Variants in DST observed in about 807,000 individuals in gnomAD.
The protein encoded by DST is bullous pemphigoid antigen.
A neutral mutation model predicts 875.2 loss-of-function variants in DST; 253 were observed. The ratio of observed to expected loss-of-function variants is 0.29; its 90% CI spans 0.26 to 0.32. The LOEUF (loss-of-function observed/expected upper bound fraction) is 0.32, where lower values mean the gene tolerates loss of function less well. Among genes scored for constraint, DST ranks in the 10% least tolerant of loss-of-function variants. DST has a pLI of 1.00. For missense variants in DST, 8,287 were observed against 9,111.6 expected, an observed-to-expected ratio of 0.91 and a Z score of 3.68; for synonymous variants, 3,124 against 3,197.1, an observed-to-expected ratio of 0.98 and a Z score of 0.77.
At chr6:56,893,565 T>TAAGGAA (rs1562313463) in intron 3 of DST, among the ~76,000 whole-genome samples, 11 of 107,522 alleles carry the variant, frequency 1.0e-4, no homozygotes, top group Non-Finnish European at 1.6e-4. Flanking sequence ...TTTAGTTCTT[T>TAAGGAA]TTTTTTTTTT....
At chr6:56,787,108 T>C (rs891944344) in intron 4 of DST, among the ~76,000 whole-genome samples, 1 of 152,204 alleles carries the variant, frequency 6.6e-6, no homozygotes, top group Non-Finnish European at 1.5e-5. Flanking sequence ...TCTCATTTTA[T>C]ACATGAGGAA....
intron 36 of DST, chr6:56,617,101 AAC>A: frequency 6.2e-7 from 1 of 1,613,952 alleles, no homozygotes; most frequent in Non-Finnish European, 8.5e-7. Flanking sequence ...GAACTTCTTC[AAC>A]AGTCTTAAGA....
In DST at chr6:56,843,705, A is replaced by AG. The variant is rs1554198560; in HGVS notation, c.625+7691dup. On this transcript the variant is annotated intron_variant, in intron 4 of 103. Transcript: ENST00000680361. ...GCCCGCGCCGGGGAGAGAGGGAGGG[A>AG]GGAGGGTGGAGGGTGGAGGGTGGAG... is the stretch of plus-strand genomic sequence containing the variant. 1,498 of 549,926 alleles carry AG rather than the reference A, an allele frequency of 2.7e-3. 8 individuals carry two copies. The highest frequency in any genetic ancestry group is 0.012 in the Admixed American group (114 of 9,682). The allele number at this position is 549,926 out of a possible 1,614,324, so 34.1% of individuals were successfully genotyped here.
At chr6:56,466,271 T>C in intron 98 of DST, 76 bp from the exon 99 acceptor site, 1 of 1,000,156 alleles carries the variant, frequency 1.0e-6, no homozygotes, top group Non-Finnish European at 1.4e-6. Flanking sequence ...CAATTTGCAG[T>C]AGCTAAAGCA....
At chr6:56,530,812 T>C (rs1005377683) in intron 64 of DST, among the ~76,000 whole-genome samples, 5 of 152,234 alleles carry the variant, frequency 3.3e-5, no homozygotes, top group Non-Finnish European at 7.3e-5. Flanking sequence ...CTGTTTCCGC[T>C]GTCCTCAGTA....
intron 4 of DST, among the ~76,000 whole-genome samples, chr6:56,759,193 G>A (rs902300999): frequency 6.6e-6 from 1 of 152,202 alleles, no homozygotes; most frequent in South Asian, 2.1e-4. Context: ...GCTCACGCCT[G>A]TAATCCCAGC....
chr6:56,927,237 T>C (rs1431938758), intron 2 of DST, among the ~76,000 whole-genome samples: 4 of 152,190 alleles, frequency 2.6e-5, no homozygotes, highest in Non-Finnish European at 5.9e-5. Context: ...TTTCCCATTA[T>C]ATGATACCAA....
Position 56,605,966 on chromosome 6 carries a change from A to C in DST, c.8662T>G (p.Leu2888Val). The change falls in exon 40 of 104, where the codon TTA (leucine) becomes GTA (valine). Residue 2888 changes from leucine (L) to valine (V), a missense_variant. Physicochemically the swap from Leu to Val is conservative, Grantham distance 32. Around this residue, in one of 10 missense-constraint regions of DST, gnomAD observed 3,138 missense variants for 3,116.6 expected, o/e 1.01. Coordinates refer to ENST00000680361, the MANE Select transcript of DST (RefSeq NM_001374736.1). ...VQLASPSENN[L>V]VTEKSNLPEY... Reference sequence around the variant, plus strand: ...GGAAGGTTGCTTTTTTCAGTAACTAAGTTATTTTCACTAGGTGATGCTAGC... The same window carrying C: ...GGAAGGTTGCTTTTTTCAGTAACTACGTTATTTTCACTAGGTGATGCTAGC... 1 of 1,612,764 alleles carries C rather than the reference A, an allele frequency of 6.2e-7. No homozygotes were observed. The highest frequency in any genetic ancestry group is 1.3e-5 in the African/African-American group (1 of 74,982).
At chr6:56,940,191 TACACACACACACACACAC>T (rs59001581) in intron 2 of DST, among the ~76,000 whole-genome samples, 13 of 142,212 alleles carry the variant, frequency 9.1e-5, no homozygotes, top group South Asian at 4.7e-4. Context: ...ATTACCCCCA[TACACACACACACACACAC>T]ACACACACAC....
chr6:56,771,507 T>A (rs1022790308), intron 4 of DST, among the ~76,000 whole-genome samples: 2 of 152,194 alleles, frequency 1.3e-5, no homozygotes, highest in Admixed American at 1.3e-4. Flanking sequence ...TTCTAACATT[T>A]CTAAATGTAT....
At chr6:56,938,811 C>A (rs1814672695) in intron 2 of DST, among the ~76,000 whole-genome samples, 1 of 152,168 alleles carries the variant, frequency 6.6e-6, no homozygotes, top group African/African-American at 2.4e-5. Flanking sequence ...AGTTGGCTTA[C>A]TGGAAGAGGA....
intron 4 of DST, among the ~76,000 whole-genome samples, chr6:56,737,831 A>C (rs2099531243): frequency 6.6e-6 from 1 of 152,262 alleles, no homozygotes; most frequent in Non-Finnish European, 1.5e-5. Context: ...ATCTATTCTG[A>C]AGTTATAATC....
intron 50 of DST, among the ~76,000 whole-genome samples, chr6:56,577,968 G>A (rs2152633919): frequency 6.6e-6 from 1 of 151,996 alleles, no homozygotes; most frequent in Non-Finnish European, 1.5e-5. Context: ...GATTACAGGT[G>A]TCAGCTTTTG....
intron 2 of DST, among the ~76,000 whole-genome samples, chr6:56,917,050 G>A (rs1049306517): frequency 6.8e-6 from 1 of 146,090 alleles, no homozygotes; most frequent in Non-Finnish European, 1.5e-5. Flanking sequence ...ACACTGCTCG[G>A]ACCAGGTATT....
At chr6:56,778,290 T>C (rs1564123287) in intron 4 of DST, among the ~76,000 whole-genome samples, 1 of 150,748 alleles carries the variant, frequency 6.6e-6, no homozygotes, top group Non-Finnish European at 1.5e-5. Flanking sequence ...GAGGCAGAAA[T>C]ATTGCAAGAG....
intron 61 of DST, among the ~76,000 whole-genome samples, chr6:56,550,825 C>T (rs550436179): frequency 6.6e-6 from 1 of 152,266 alleles, no homozygotes; most frequent in East Asian, 1.9e-4. Context: ...GAGAGAATTC[C>T]AAACTTTACT....
At chr6:56,596,888 T>C (rs78965592) in intron 47 of DST, among the ~76,000 whole-genome samples, 4,305 of 152,304 alleles carry the variant, frequency 0.028, 201 homozygotes, top group African/African-American at 0.097. Context: ...AGGGCTTTTA[T>C]ATCTCTTCTC....
At chr6:56,656,960 T>C (rs2152806601) in intron 10 of DST, among the ~76,000 whole-genome samples, 1 of 152,276 alleles carries the variant, frequency 6.6e-6, no homozygotes, top group African/African-American at 2.4e-5. Context: ...ATGTGTCCTA[T>C]ACCAATGTTT....
chr6:56,499,041 T>A (rs988274238), intron 80 of DST, among the ~76,000 whole-genome samples: 53 of 152,278 alleles, frequency 3.5e-4, no homozygotes, highest in Non-Finnish European at 4.3e-4. Context: ...TTTTACTGAA[T>A]GAGTATAGCC....
Sources: gnomAD v4.1 joint callset for allele counts (sites outside exome capture counted in the v4.1 genomes callset) on GRCh38, gnomAD v4.1.1 for gene constraint, gnomAD v4.1.1 regional missense constraint, MANE v1.5 for transcripts, NCBI Gene and HGNC (gene_info 2026-07-23, HGNC 2026-07-21) for gene names.